The following CFAP74 variants were observed in gnomAD, a reference collection of about 807,000 sequenced individuals.
CFAP74 encodes the protein cilia and flagella associated protein 74.
A neutral mutation model predicts 188.9 loss-of-function variants in CFAP74; 124 were observed. The observed-to-expected ratio is 0.66, with a 90% CI of 0.57 to 0.76. The LOEUF (loss-of-function observed/expected upper bound fraction) is 0.76, where lower values mean the gene tolerates loss of function less well. Among genes scored for constraint, CFAP74 ranks in the 30% least tolerant of loss-of-function variants. CFAP74 has a pLI of 0.00. For missense variants in CFAP74, 2,198 were observed against 2,165.2 expected (o/e 1.02, Z -0.30); for synonymous variants, 956 against 916.7 (o/e 1.04, Z -0.77).
intron 11 of CFAP74, 127 bp from the exon 12 acceptor site, chr1:1,966,653 A>G (rs1053992155): frequency 4.2e-5 from 32 of 766,366 alleles, no homozygotes; most frequent in African/African-American, 3.1e-4. Flanking sequence ...CGTACTCTGC[A>G]TGGAGATAGC....
chr1:1,987,880 G>C lies in CFAP74; in HGVS notation c.296+632C>G, dbSNP rs150083647. On this transcript the variant is annotated intron_variant, in intron 4 of 38. Coordinates refer to ENST00000682832, the MANE Select transcript of CFAP74 (RefSeq NM_001304360.2). The stretch of plus-strand genomic sequence containing the variant: ...AAAACACACGGGCGCTGCCGGAGCC[G>C]AGGAGGGAAATCGTAGTTTCCCCGG... The C allele has an allele frequency of 4.2e-3, 1,408 of 337,010 alleles. 14 individuals carry two copies. The highest frequency in any genetic ancestry group is 0.029 in the African/African-American group (1,334 of 46,218). The allele number at this position is 337,010 out of a possible 1,614,324, so 20.9% of individuals were successfully genotyped here.
chr1:1,966,619 G>C lies in CFAP74; in HGVS notation c.1246-93C>G, dbSNP rs1031098933. ...CCAGCCCCCGCCGGTATGGCCCGCT[G>C]CCTGCCCCCGTTCTTCTGCCTCACG... is the stretch of plus-strand genomic sequence containing the variant. On this transcript the variant is annotated intron_variant, in intron 11 of 38. Coordinates refer to ENST00000682832, the MANE Select transcript of CFAP74 (RefSeq NM_001304360.2). 12 of 1,213,392 alleles carry C rather than the reference G, an allele frequency of 9.9e-6. No homozygotes were observed. The African/African-American group carries it at 1.7e-4, about 17-fold the overall frequency. The allele number at this position is 1,213,392 out of a possible 1,614,324, so 75.2% of individuals were successfully genotyped here.
intron 1 of CFAP74, among the ~76,000 whole-genome samples, chr1:1,993,626 T>G (rs574317817): frequency 1.3e-5 from 2 of 150,572 alleles, no homozygotes; most frequent in East Asian, 3.9e-4. Context: ...GTGATTGGTT[T>G]TAACGCCTAT....
At chr1:1,969,210 G>T (rs1328814202) in intron 10 of CFAP74, among the ~76,000 whole-genome samples, 2 of 99,622 alleles carry the variant, frequency 2.0e-5, no homozygotes, top group East Asian at 6.0e-4. Flanking sequence ...GCCCAGCCTA[G>T]CCCTGCCCAG....
Position 1,959,462 on chromosome 1 carries a change from C to T in CFAP74, c.1762-253G>A, listed in dbSNP as rs189446744. 3.1e-3 allele frequency among the ~76,000 whole-genome samples: 474 copies of T among 152,164 alleles called. 2 individuals carry two copies. The highest frequency in any genetic ancestry group is 0.014 in the South Asian group (66 of 4,818). ...TGTATTTTTTGTAGAGACGGGGTCT[C>T]GCCATGTTGCCCAGGCTGGTCTTGA... is the stretch of plus-strand genomic sequence containing the variant. On this transcript the variant is annotated intron_variant, in intron 15 of 38. Coordinates refer to ENST00000682832, the MANE Select transcript of CFAP74 (RefSeq NM_001304360.2).
Position 1,926,307 on chromosome 1 carries a change from A to C in CFAP74, c.3869T>G (p.Leu1290Arg), listed in dbSNP as rs1651887494. The C allele has an allele frequency of 3.2e-6, 5 of 1,547,272 alleles. No homozygotes were observed. The African/African-American group carries it at 4.1e-5, about 13-fold the overall frequency. ...SLLNPNGPFV[L>R]LNHSSLLRAG... ...ACGCAGCAGGCTGGAGTGGTTCAGC[A>C]GGACAAAGGGGCCGTTGGGGTTCAG... The change falls in exon 32 of 39, where the codon CTG (leucine) becomes CGG (arginine). Residue 1290 changes from leucine (L) to arginine (R), a missense_variant. Leu to Arg is a moderately radical substitution (Grantham distance 102). Transcript: ENST00000682832.
chr1:1,924,535 C>T lies in CFAP74; in HGVS notation c.4105-15G>A. ...TTGTTCTGCAGCTGCAGAGAGCAGG[C>T]CGCGGTCACTGCCCGCCAGCCCCTG... On this transcript the variant is annotated splice_polypyrimidine_tract_variant and intron_variant, in intron 33 of 38. Coordinates refer to ENST00000682832, the MANE Select transcript of CFAP74 (RefSeq NM_001304360.2). 1 of 1,598,992 alleles carries T rather than the reference C, an allele frequency of 6.3e-7. No homozygotes were observed. Among genetic ancestry groups the T allele is most frequent in the Non-Finnish European group, 8.5e-7 (1 of 1,173,662 alleles).
chr1:1,936,014 T>C (rs902253110), intron 25 of CFAP74, among the ~76,000 whole-genome samples: 10 of 148,768 alleles, frequency 6.7e-5, no homozygotes, highest in Admixed American at 3.3e-4. Context: ...GGTCAGGAGT[T>C]TGAAACCAGC....
Position 1,923,321 on chromosome 1 carries a change from G to A in CFAP74, c.4522+46C>T, listed in dbSNP as rs1651541261. 1 of 1,531,398 alleles carries A rather than the reference G, an allele frequency of 6.5e-7. No individual in the cohort carries two copies. Among genetic ancestry groups the A allele is most frequent in the Admixed American group, 2.0e-5 (1 of 49,846 alleles). The allele number at this position is 1,531,398 out of a possible 1,614,324, so 94.9% of individuals were successfully genotyped here. ...CGGGGCCCCCATCCACGGGACAGGGGCACCGGGAGGCCCCGTGTCTGTTCC... is the reference window on the plus strand; with the variant it reads ...CGGGGCCCCCATCCACGGGACAGGGACACCGGGAGGCCCCGTGTCTGTTCC... On this transcript the variant is annotated intron_variant, in intron 36 of 38. Transcript: ENST00000682832. This position sits in a 1 kb window ranked among gnomAD's most constrained non-coding sequence, Gnocchi z 6.3.
At chr1:1,966,607 G>T (rs1454414936) in intron 11 of CFAP74, 81 bp from the exon 12 acceptor site, 3 of 1,300,622 alleles carry the variant, frequency 2.3e-6, no homozygotes, top group African/African-American at 3.0e-5. Context: ...GCCCCCGCCG[G>T]TATGGCCCGC....
chr1:1,924,190 A>ATCTCACCG (rs1651641346), intron 34 of CFAP74, among the ~76,000 whole-genome samples: 2 of 7,254 alleles, frequency 2.8e-4, no homozygotes, highest in African/African-American at 1.4e-3. Flanking sequence ...ACTGCCCCCC[A>ATCTCACCG]CCCAGCTCAC....
At chr1:1,935,726 G>A (rs1032044937) in intron 25 of CFAP74, among the ~76,000 whole-genome samples, 1 of 152,102 alleles carries the variant, frequency 6.6e-6, no homozygotes, top group Non-Finnish European at 1.5e-5. Context: ...TCAGAGGCAA[G>A]TAGGATAAAA....
intron 1 of CFAP74, among the ~76,000 whole-genome samples, chr1:2,000,741 C>T (rs976588173): frequency 2.6e-5 from 4 of 152,002 alleles, no homozygotes; most frequent in South Asian, 2.1e-4. Context: ...ATAAGGACAC[C>T]GGTCATACCA....
chr1:1,971,158 GAC>G (rs1491014943), intron 9 of CFAP74, among the ~76,000 whole-genome samples: 10 of 132,258 alleles, frequency 7.6e-5, no homozygotes, highest in African/African-American at 1.5e-4. Context: ...TGCACACCTG[GAC>G]ACACATGCAC....
Position 1,924,653 on chromosome 1 carries a change from A to C in CFAP74, c.4105-133T>G, listed in dbSNP as rs949170283. ...GGGACCCGGGTGGCCTGATGACGCC[A>C]GCACACGTGGCGGTTTATTGAGCTG... On this transcript the variant is annotated intron_variant, in intron 33 of 38. Coordinates refer to ENST00000682832, the MANE Select transcript of CFAP74 (RefSeq NM_001304360.2). 7 of 937,484 alleles carry C rather than the reference A, an allele frequency of 7.5e-6. No individual in the cohort carries two copies. The African/African-American group carries it at 1.0e-4, about 14-fold the overall frequency. The allele number at this position is 937,484 out of a possible 1,614,324, so 58.1% of individuals were successfully genotyped here.
At chr1:1,977,397 TC>T (rs983178422) in intron 6 of CFAP74, among the ~76,000 whole-genome samples, 6 of 152,034 alleles carry the variant, frequency 3.9e-5, no homozygotes, top group African/African-American at 1.4e-4. Context: ...GAAGCAGCCT[TC>T]CCCTCCCTCG....
Position 1,975,706 on chromosome 1 carries a change from G to C in CFAP74, c.501-1508C>G, listed in dbSNP as rs994445387. 5.9e-5 allele frequency among the ~76,000 whole-genome samples: 9 copies of C among 152,230 alleles called. No homozygotes were observed. The highest frequency in any genetic ancestry group is 2.6e-4 in the Admixed American group (4 of 15,282). ...GGGACTCCGCGGAGCTTCCACGGGC[G>C]GGTTATTTCTATTCCTCCCTCGCGT... On this transcript the variant is annotated intron_variant, in intron 6 of 38. Coordinates refer to ENST00000682832, the MANE Select transcript of CFAP74 (RefSeq NM_001304360.2). This position sits in a 1 kb window ranked among gnomAD's most constrained non-coding sequence, Gnocchi z 4.5.
In CFAP74 at chr1:1,922,599, G is replaced by A. The variant is rs759179699; in HGVS notation, c.4808C>T (p.Ala1603Val). ...CCCAAAGGCACCTACATCAAAGTCC[G>A]CAGGTGGCACCCAGGAGATGCTGAT... ...KTISISWVPP[A>V]DFDPDHPLMV... The change falls in exon 38 of 39, where the codon GCG becomes GTG. Residue 1603 changes from alanine (A) to valine (V), a missense_variant. By Grantham distance (64) the Ala-to-Val change is moderately conservative. Transcript: ENST00000682832. 14 of 1,607,786 alleles carry A rather than the reference G, an allele frequency of 8.7e-6. No individual in the cohort carries two copies. The highest frequency in any genetic ancestry group is 8.0e-5 in the African/African-American group (6 of 74,888).
At position 1,987,031 on chromosome 1, in the gene CFAP74, C is replaced by A; in HGVS notation, c.301G>T (p.Glu101Ter). Residue 101 changes from glutamate (E) to a stop codon, truncating the protein, a stop_gained, in exon 5 of 39, where the codon GAG (glutamate) becomes TAG (stop). Coordinates refer to ENST00000682832, the MANE Select transcript of CFAP74 (RefSeq NM_001304360.2). LOFTEE classifies it high-confidence loss of function. ...CGCCTCTGCCGACAGGCGCGCAGCT[C>A]CCCTCTGGAACAGGGAAACAAAGGT... ...QELFTEKMRG[E>*]LRACRQRRDL... 2 of 1,596,050 alleles carry A rather than the reference C, an allele frequency of 1.3e-6. No homozygotes were observed. The highest frequency in any genetic ancestry group is 1.1e-5 in the South Asian group (1 of 90,776).
Sources: gnomAD v4.1 joint callset for allele counts (sites outside exome capture counted in the v4.1 genomes callset) on GRCh38, gnomAD v4.1.1 for gene constraint, Gnocchi (gnomAD v3.1) non-coding constraint, MANE v1.5 for transcripts, NCBI Gene and HGNC (gene_info 2026-07-23, HGNC 2026-07-21) for gene names.